ADAMTS3: variants seen among roughly 807,000 people sequenced by gnomAD.
ADAMTS3 encodes the protein ADAM metallopeptidase with thrombospondin type 1 motif 3.
A neutral mutation model predicts 129.0 loss-of-function variants in ADAMTS3; 73 were observed. The observed-to-expected ratio is 0.57, with a 90% CI of 0.47 to 0.69. The LOEUF is 0.69. Among genes scored for constraint, ADAMTS3 ranks in the 30% least tolerant of loss-of-function variants. ADAMTS3 has a pLI of 0.00. For missense variants in ADAMTS3, 1,457 were observed against 1,514.5 expected (o/e 0.96, Z 0.63); for synonymous variants, 477 against 510.8 (o/e 0.93, Z 0.89).
intron 3 of ADAMTS3, among the ~76,000 whole-genome samples, chr4:72,540,150 T>A (rs1210161958): frequency 6.6e-6 from 1 of 152,104 alleles, no homozygotes; most frequent in African/African-American, 2.4e-5. Context: ...ATGCTGATAA[T>A]GATATGGACA....
At chr4:72,436,627 C>G (rs968348480) in intron 3 of ADAMTS3, among the ~76,000 whole-genome samples, 5 of 151,998 alleles carry the variant, frequency 3.3e-5, no homozygotes, top group East Asian at 3.9e-4. Flanking sequence ...CAATGATAGA[C>G]TGGATTAAGA....
intron 3 of ADAMTS3, among the ~76,000 whole-genome samples, chr4:72,424,605 G>A (rs1722525222): frequency 6.6e-6 from 1 of 151,918 alleles, no homozygotes; most frequent in Non-Finnish European, 1.5e-5. Context: ...CACAAAAAGA[G>A]CCCTAGGAAG....
chr4:72,505,566 G>A (rs1209679961), intron 3 of ADAMTS3, among the ~76,000 whole-genome samples: 3 of 152,206 alleles, frequency 2.0e-5, no homozygotes, highest in Non-Finnish European at 4.4e-5. Flanking sequence ...GGAAGGAGAC[G>A]GTAGAGGGGA....
chr4:72,474,091 G>A (rs1475842991), intron 3 of ADAMTS3, among the ~76,000 whole-genome samples: 1 of 152,132 alleles, frequency 6.6e-6, no homozygotes, highest in Non-Finnish European at 1.5e-5. Flanking sequence ...TGTCAGAAAA[G>A]GCCAGTTAAA....
At position 72,521,401 on chromosome 4, in the gene ADAMTS3, C is replaced by T. The variant is rs527342333; in HGVS notation, c.504+27077G>A. Among the ~76,000 whole-genome samples the T allele has an allele frequency of 2.4e-4, 37 of 152,184 alleles. 1 individual carries two copies. The highest frequency in any genetic ancestry group is 1.2e-3 in the South Asian group (6 of 4,822). On this transcript the variant is annotated intron_variant, in intron 3 of 21. Transcript: ENST00000286657. The stretch of plus-strand genomic sequence containing the variant: ...CTCTACTTTTCCAATAATCACAATC[C>T]CTTAAAAATATTAATATCAGGGATC...
At chr4:72,341,852 T>A (rs1173120584) in intron 4 of ADAMTS3, among the ~76,000 whole-genome samples, 1 of 152,198 alleles carries the variant, frequency 6.6e-6, no homozygotes, top group Non-Finnish European at 1.5e-5. Context: ...AAATCAAGAA[T>A]AATTTGTCCC....
At chr4:72,304,663 A>G (rs1719038220) in intron 16 of ADAMTS3, among the ~76,000 whole-genome samples, 1 of 152,094 alleles carries the variant, frequency 6.6e-6, no homozygotes, top group Non-Finnish European at 1.5e-5. Context: ...TTAATGTAGT[A>G]TATATTTATT....
At chr4:72,477,070 CATT>C (rs1560530773) in intron 3 of ADAMTS3, among the ~76,000 whole-genome samples, 8 of 152,150 alleles carry the variant, frequency 5.3e-5, no homozygotes, top group African/African-American at 1.9e-4. Context: ...CTATAGATAA[CATT>C]ATATTTAAGT....
intron 5 of ADAMTS3, 43 bp downstream of exon 5, chr4:72,339,451 G>T: frequency 6.3e-7 from 1 of 1,590,692 alleles, no homozygotes; most frequent in South Asian, 1.1e-5. Context: ...TAAGAGAAGT[G>T]AATTAAAAGA....
At chr4:72,549,216 T>C (rs1721548567) in intron 2 of ADAMTS3, among the ~76,000 whole-genome samples, 1 of 152,200 alleles carries the variant, frequency 6.6e-6, no homozygotes, top group African/African-American at 2.4e-5. Flanking sequence ...ATGCCCTTAA[T>C]TAATTTATTA....
intron 3 of ADAMTS3, among the ~76,000 whole-genome samples, chr4:72,530,243 TATATA>T (rs1254047328): frequency 1.5e-3 from 117 of 80,530 alleles, no homozygotes; most frequent in African/African-American, 5.3e-3. Flanking sequence ...ATATTAAATA[TATATA>T]ATATATTTAT....
At chr4:72,291,413 A>G (rs140291023) in intron 19 of ADAMTS3, among the ~76,000 whole-genome samples, 24,124 of 96,430 alleles carry the variant, frequency 0.25, 2,608 homozygotes, top group East Asian at 0.51. Context: ...CCCCCACCCC[A>G]CAACAGTCCC....
Position 72,414,990 on chromosome 4 carries a change from G to A in ADAMTS3, c.505-19C>T, listed in dbSNP as rs762031795. 1.4e-6 allele frequency: 2 copies of A among 1,427,204 alleles called. No homozygotes were observed. Among genetic ancestry groups the A allele is most frequent in the South Asian group, 3.4e-5 (2 of 59,572 alleles). 88.4% of individuals were successfully genotyped at this position (1,427,204 alleles called of 1,614,324 possible). ...TTCCAGCCTAGAGAAAGCACAAAAT[G>A]TGTTAATTTAAAAAAGAAATATCTA... On this transcript the variant is annotated intron_variant, in intron 3 of 21. Coordinates refer to ENST00000286657, the MANE Select transcript of ADAMTS3 (RefSeq NM_014243.3).
chr4:72,540,115 G>C (rs1324626836), intron 3 of ADAMTS3, among the ~76,000 whole-genome samples: 1 of 152,156 alleles, frequency 6.6e-6, no homozygotes, highest in African/African-American at 2.4e-5. Flanking sequence ...ACTTCCTAGA[G>C]ACTTGTTGAA....
chr4:72,352,422 A>G (rs1720464900), intron 4 of ADAMTS3, among the ~76,000 whole-genome samples: 1 of 152,014 alleles, frequency 6.6e-6, no homozygotes, highest in Non-Finnish European at 1.5e-5. Context: ...AAGATGTTAG[A>G]ATTACTAGAA....
At position 72,460,139 on chromosome 4, in the gene ADAMTS3, GC is replaced by G. The variant is rs1718726462; in HGVS notation, c.505-45169del. On this transcript the variant is annotated intron_variant, in intron 3 of 21. Transcript: ENST00000286657. ...TAAATATTAAGAGTATCTCCTCCCC[GC>G]CCCCACTTTTTTTACCGGTCATTAG... is the stretch of plus-strand genomic sequence containing the variant. Among the ~76,000 whole-genome samples the G allele has an allele frequency of 2.6e-5, 4 of 151,246 alleles. No homozygotes were observed. The South Asian group carries it at 8.3e-4, about 31-fold the overall frequency.
intron 3 of ADAMTS3, among the ~76,000 whole-genome samples, chr4:72,519,686 C>T: frequency 6.6e-6 from 1 of 152,198 alleles, no homozygotes; most frequent in East Asian, 1.9e-4. Context: ...CTTTCAGCTC[C>T]ATCAGCTCCT....
intron 4 of ADAMTS3, among the ~76,000 whole-genome samples, chr4:72,365,963 C>T (rs1404626285): frequency 6.6e-6 from 1 of 152,174 alleles, no homozygotes; most frequent in Non-Finnish European, 1.5e-5. Context: ...TCTCTGATTA[C>T]ACTCCAGCAC....
intron 3 of ADAMTS3, among the ~76,000 whole-genome samples, chr4:72,428,163 T>C (rs1305176176): frequency 6.6e-6 from 1 of 151,994 alleles, no homozygotes; most frequent in Admixed American, 6.6e-5. Flanking sequence ...GAAATTGAGT[T>C]TGAAGATGAG....
Sources: allele counts gnomAD v4.1 joint callset (sites outside exome capture counted in the v4.1 genomes callset), GRCh38; gene constraint gnomAD v4.1.1; transcripts MANE v1.5; gene names NCBI Gene and HGNC (gene_info 2026-07-23, HGNC 2026-07-21).